Variants in DCC observed in about 807,000 individuals in gnomAD.
DCC encodes the protein netrin receptor DCC.
In DCC, 58 loss-of-function variants were observed where a neutral mutation model predicts 172.5. The ratio of observed to expected loss-of-function variants is 0.34; its 90% CI spans 0.27 to 0.42. DCC has a LOEUF of 0.42. Among genes scored for constraint, DCC ranks in the 10% least tolerant of loss-of-function variants. The pLI is 1.00. For synonymous variants in DCC, 709 were observed against 644.5 expected (o/e 1.10, Z -1.52); for missense variants, 1,740 against 1,791.0 (o/e 0.97, Z 0.51).
At chr18:53,090,434 C>T (rs1463343564) in intron 7 of DCC, among the ~76,000 whole-genome samples, 1 of 151,870 alleles carries the variant, frequency 6.6e-6, no homozygotes, top group Non-Finnish European at 1.5e-5. Context: ...TGGCTCACGC[C>T]TGTAATTCCA....
At chr18:53,523,483 C>T (rs1401173208) in intron 27 of DCC, among the ~76,000 whole-genome samples, 1 of 152,122 alleles carries the variant, frequency 6.6e-6, no homozygotes, top group Non-Finnish European at 1.5e-5. Flanking sequence ...GCACTATTCA[C>T]AATAGCAAAG....
intron 2 of DCC, among the ~76,000 whole-genome samples, chr18:52,808,329 T>TA (rs1335532359): frequency 6.6e-6 from 1 of 151,960 alleles, no homozygotes; most frequent in Non-Finnish European, 1.5e-5. Flanking sequence ...TCTAAACCAC[T>TA]AGGAAGCATT....
At chr18:52,665,352 C>T (rs1189317358) in intron 1 of DCC, among the ~76,000 whole-genome samples, 1 of 152,166 alleles carries the variant, frequency 6.6e-6, no homozygotes, top group African/African-American at 2.4e-5. Flanking sequence ...TTTGGAAATG[C>T]TATTTGTTGA....
At chr18:53,323,708 T>C (rs576511951) in intron 14 of DCC, among the ~76,000 whole-genome samples, 1 of 152,236 alleles carries the variant, frequency 6.6e-6, no homozygotes, top group African/African-American at 2.4e-5. Flanking sequence ...GTTGGATAGA[T>C]GGATGGATGG....
intron 14 of DCC, among the ~76,000 whole-genome samples, chr18:53,334,479 T>C (rs2057569626): frequency 6.6e-6 from 1 of 152,186 alleles, no homozygotes; most frequent in South Asian, 2.1e-4. Context: ...TTCAGTGGCA[T>C]TAAGCACATT....
chr18:52,376,691 A>G (rs989538369), intron 1 of DCC, among the ~76,000 whole-genome samples: 7 of 152,216 alleles, frequency 4.6e-5, no homozygotes, highest in Admixed American at 1.3e-4. Context: ...TTTAGTGAAT[A>G]TCTACTGGGG....
chr18:52,541,380 C>A (rs2032442471), intron 1 of DCC, among the ~76,000 whole-genome samples: 1 of 152,142 alleles, frequency 6.6e-6, no homozygotes, highest in African/African-American at 2.4e-5. Context: ...CTCTTTAGTG[C>A]CAAAAAATAA....
At chr18:52,658,237 C>A (rs141339746) in intron 1 of DCC, among the ~76,000 whole-genome samples, 56 of 152,224 alleles carry the variant, frequency 3.7e-4, no homozygotes, top group African/African-American at 1.2e-3. Context: ...ATATGTTCAG[C>A]CAACTGCAAG....
At chr18:53,410,231 C>T (rs10853630) in intron 19 of DCC, among the ~76,000 whole-genome samples, 65,633 of 151,986 alleles carry the variant, frequency 0.43, 15,992 homozygotes, top group Non-Finnish European at 0.56. Context: ...GATATTTTTA[C>T]TTCTAACAGC....
chr18:53,515,668 G>C (rs1186747030), intron 27 of DCC, among the ~76,000 whole-genome samples: 3 of 148,654 alleles, frequency 2.0e-5, no homozygotes, highest in African/African-American at 7.5e-5. Flanking sequence ...GACAAACAGA[G>C]AGCCAAATCA....
intron 2 of DCC, among the ~76,000 whole-genome samples, chr18:52,760,758 T>C (rs1024487601): frequency 2.0e-5 from 3 of 152,170 alleles, no homozygotes; most frequent in African/African-American, 4.8e-5. Context: ...ATATTAATAT[T>C]AGATACAAAG....
chr18:52,634,317 G>T (rs777835788), intron 1 of DCC, among the ~76,000 whole-genome samples: 1 of 152,156 alleles, frequency 6.6e-6, no homozygotes, highest in Non-Finnish European at 1.5e-5. Context: ...AAAACCTAAT[G>T]CATTATGCAT....
chr18:52,457,161 A>G (rs1335969878), intron 1 of DCC, among the ~76,000 whole-genome samples: 4 of 152,160 alleles, frequency 2.6e-5, no homozygotes, highest in Non-Finnish European at 5.9e-5. Flanking sequence ...CATCAATGAA[A>G]TCTTTGATTT....
chr18:53,373,308 G>A (rs184423873), intron 15 of DCC, among the ~76,000 whole-genome samples: 6 of 151,908 alleles, frequency 3.9e-5, no homozygotes, highest in Non-Finnish European at 5.9e-5. Context: ...ATATTCCTGC[G>A]GATGCTGACA....
chr18:53,131,453 G>A (rs1197448752), intron 7 of DCC, among the ~76,000 whole-genome samples: 2 of 152,070 alleles, frequency 1.3e-5, no homozygotes, highest in African/African-American at 4.8e-5. Flanking sequence ...TAAGCATATT[G>A]GAAACAAGAG....
intron 1 of DCC, among the ~76,000 whole-genome samples, chr18:52,689,461 T>C (rs1008689855): frequency 2.0e-5 from 3 of 152,116 alleles, no homozygotes; most frequent in Admixed American, 6.6e-5. Flanking sequence ...TTGGATAAAT[T>C]GACGCATCAG....
chr18:52,676,441 G>T (rs1240842070), intron 1 of DCC, among the ~76,000 whole-genome samples: 1 of 152,114 alleles, frequency 6.6e-6, no homozygotes, highest in Admixed American at 6.6e-5. Flanking sequence ...CTGTTAAATT[G>T]TATCCTCACA....
At chr18:52,649,372 CA>C (rs74178677) in intron 1 of DCC, among the ~76,000 whole-genome samples, 63,436 of 123,698 alleles carry the variant, frequency 0.51, 14,708 homozygotes, top group East Asian at 0.74. Context: ...GATTCCGTAT[CA>C]AAAAAAAAAA....
chr18:53,420,150 C>T (rs143525166), intron 21 of DCC, among the ~76,000 whole-genome samples: 101 of 152,226 alleles, frequency 6.6e-4, no homozygotes, highest in African/African-American at 2.3e-3. Context: ...CCACCATGCC[C>T]CACCCAAAAG....
Sources: allele counts gnomAD v4.1 joint callset (sites outside exome capture counted in the v4.1 genomes callset), GRCh38; gene constraint gnomAD v4.1.1; transcripts MANE v1.5; gene names NCBI Gene and HGNC (gene_info 2026-07-23, HGNC 2026-07-21).